XKR6: variants seen among roughly 807,000 people sequenced by gnomAD.
XKR6 encodes XK related 6.
Under a neutral mutation model 56.7 loss-of-function variants are expected in XKR6, and 22 were observed. The observed-to-expected ratio is 0.39, with a 90% CI of 0.28 to 0.55. The LOEUF (loss-of-function observed/expected upper bound fraction) is 0.55, where lower values mean the gene tolerates loss of function less well. Among genes scored for constraint, XKR6 ranks in the 20% least tolerant of loss-of-function variants. The pLI, the probability that XKR6 is intolerant of heterozygous loss-of-function variation, is 0.66. For missense variants in XKR6, 852 were observed against 889.0 expected (o/e 0.96, Z 0.53); for synonymous variants, 524 against 387.8 (o/e 1.35, Z -4.13).
chr8:10,994,817 T>A (rs1416394562), intron 1 of XKR6, among the ~76,000 whole-genome samples: 1 of 152,130 alleles, frequency 6.6e-6, no homozygotes, highest in African/African-American at 2.4e-5. Flanking sequence ...CAAATAAAAA[T>A]CAAATTCCAA....
intron 1 of XKR6, among the ~76,000 whole-genome samples, chr8:11,008,347 C>A (rs925111151): frequency 6.6e-6 from 1 of 151,924 alleles, no homozygotes; most frequent in Non-Finnish European, 1.5e-5. Context: ...CAGACTACAG[C>A]CAGGCCTTCT....
intron 1 of XKR6, among the ~76,000 whole-genome samples, chr8:11,133,103 TG>T (rs770140368): frequency 5.9e-5 from 9 of 152,178 alleles, no homozygotes; most frequent in Non-Finnish European, 1.2e-4. Flanking sequence ...TGAATATAGT[TG>T]GCTTTAAATA....
At chr8:11,162,880 G>A (rs189762120) in intron 1 of XKR6, among the ~76,000 whole-genome samples, 273 of 152,276 alleles carry the variant, frequency 1.8e-3, no homozygotes, top group African/African-American at 6.3e-3. Flanking sequence ...ATAGCTACAA[G>A]GTAAGAGTGT....
chr8:10,896,730 A>G lies in XKR6; in HGVS notation c.*1222T>C, dbSNP rs1465087952. The stretch of plus-strand genomic sequence containing the variant: ...ATTTTGACTTTTTATATATATGTAT[A>G]TATATATATATATTCTAGTTTTCCT... On this transcript the variant is annotated 3_prime_UTR_variant, in exon 3 of 3. Transcript: ENST00000416569. The G allele has an allele frequency of 6.6e-6, 1 of 150,936 alleles. No homozygotes were observed. Among genetic ancestry groups the G allele is most frequent in the East Asian group, 1.9e-4 (1 of 5,190 alleles). 9.3% of individuals were successfully genotyped at this position (150,936 alleles called of 1,614,324 possible). A position where few individuals can be genotyped will look rare whatever the true frequency, so the allele number is the denominator to read the frequency against.
intron 2 of XKR6, among the ~76,000 whole-genome samples, chr8:10,911,150 G>C (rs547283784): frequency 7.2e-5 from 11 of 151,972 alleles, no homozygotes; most frequent in African/African-American, 2.7e-4. Context: ...TGTGAGCCGT[G>C]GGTAAAAACA....
chr8:11,039,469 G>C (rs963683618), intron 1 of XKR6, among the ~76,000 whole-genome samples: 1 of 152,224 alleles, frequency 6.6e-6, no homozygotes, highest in Non-Finnish European at 1.5e-5. Context: ...TGAGGGACGC[G>C]CACTGCCCAT....
chr8:10,917,375 C>T (rs1029092039), intron 2 of XKR6, among the ~76,000 whole-genome samples: 3 of 152,246 alleles, frequency 2.0e-5, no homozygotes, highest in Admixed American at 2.0e-4. Context: ...CCAGGAGATC[C>T]TGCCAAGTGC....
At chr8:11,191,729 T>C (rs966214720) in intron 1 of XKR6, among the ~76,000 whole-genome samples, 1 of 148,364 alleles carries the variant, frequency 6.7e-6, no homozygotes, top group African/African-American at 2.5e-5. Context: ...AGAGAGGGAC[T>C]ATTCTAAAGA....
intron 1 of XKR6, among the ~76,000 whole-genome samples, chr8:11,035,850 C>G (rs1016663513): frequency 3.3e-5 from 5 of 151,526 alleles, no homozygotes; most frequent in Non-Finnish European, 5.9e-5. Context: ...CTGAAAAAGG[C>G]AGGTCTGATT....
chr8:11,121,294 A>G (rs1349309195), intron 1 of XKR6, among the ~76,000 whole-genome samples: 2 of 152,224 alleles, frequency 1.3e-5, no homozygotes, highest in African/African-American at 2.4e-5. Flanking sequence ...CTCATCTGAC[A>G]AACGGCTAAT....
chr8:10,995,513 TAC>T (rs1040184523), intron 1 of XKR6, among the ~76,000 whole-genome samples: 13 of 147,034 alleles, frequency 8.8e-5, no homozygotes, highest in South Asian at 4.2e-4. Flanking sequence ...CACACACATA[TAC>T]ACACACACAC....
intron 1 of XKR6, among the ~76,000 whole-genome samples, chr8:11,173,957 G>T (rs1235298477): frequency 6.6e-6 from 1 of 152,176 alleles, no homozygotes; most frequent in African/African-American, 2.4e-5. Context: ...GTTACCCTCG[G>T]GTGCTTTGGG....
At chr8:10,915,998 C>T (rs1800553027) in intron 2 of XKR6, among the ~76,000 whole-genome samples, 1 of 152,224 alleles carries the variant, frequency 6.6e-6, no homozygotes, top group Non-Finnish European at 1.5e-5. Context: ...GGAAGTGGAG[C>T]TCTTGTGCTG....
intron 1 of XKR6, among the ~76,000 whole-genome samples, chr8:10,986,571 T>C (rs547197211): frequency 1.2e-4 from 18 of 152,310 alleles, no homozygotes; most frequent in African/African-American, 4.1e-4. Context: ...TTTGGTAGTT[T>C]TTGAGCAAGA....
chr8:11,112,182 G>A lies in XKR6; in HGVS notation c.764+88394C>T, dbSNP rs555224609. Among the ~76,000 whole-genome samples the A allele has an allele frequency of 4.3e-4, 66 of 152,252 alleles. 1 individual carries two copies. The highest frequency in any genetic ancestry group is 8.5e-4 in the Admixed American group (13 of 15,290). Reference sequence around the variant, plus strand: ...AATTTGAGCCTTTAAAGTGGCATTAGTTCTGTCTTTATTTTCTTTTAAAAG... The same window carrying A: ...AATTTGAGCCTTTAAAGTGGCATTAATTCTGTCTTTATTTTCTTTTAAAAG... On this transcript the variant is annotated intron_variant, in intron 1 of 2. Coordinates refer to ENST00000416569, the MANE Select transcript of XKR6 (RefSeq NM_173683.4).
chr8:11,191,658 CAAG>C (rs1204278988), intron 1 of XKR6, among the ~76,000 whole-genome samples: 1 of 110,002 alleles, frequency 9.1e-6, no homozygotes, highest in Admixed American at 1.1e-4. Flanking sequence ...TATGAGCAGA[CAAG>C]AGAAATGGAC....
At chr8:11,027,360 C>G (rs78795481) in intron 1 of XKR6, among the ~76,000 whole-genome samples, 1 of 152,084 alleles carries the variant, frequency 6.6e-6, no homozygotes, top group Non-Finnish European at 1.5e-5. Flanking sequence ...TTAATTTCAT[C>G]TTACTTCTTT....
intron 2 of XKR6, among the ~76,000 whole-genome samples, chr8:10,908,793 G>T (rs962260532): frequency 3.9e-5 from 6 of 152,174 alleles, no homozygotes; most frequent in Non-Finnish European, 8.8e-5. Context: ...AGGCCATGAG[G>T]GCTCTGCCTC....
intron 1 of XKR6, among the ~76,000 whole-genome samples, chr8:11,039,034 A>G (rs566551575): frequency 6.6e-6 from 1 of 151,942 alleles, no homozygotes; most frequent in East Asian, 1.9e-4. Flanking sequence ...TGCCACTCAG[A>G]GCTTATGGTC....
Sources: allele counts gnomAD v4.1 joint callset (sites outside exome capture counted in the v4.1 genomes callset), GRCh38; gene constraint gnomAD v4.1.1; transcripts MANE v1.5; gene names NCBI Gene and HGNC (gene_info 2026-07-23, HGNC 2026-07-21).